Variants in MTREX observed in about 807,000 individuals in gnomAD.
MTREX encodes the protein exosome RNA helicase MTR4.
Under a neutral mutation model 135.4 loss-of-function variants are expected in MTREX, and 76 were observed. The ratio of observed to expected loss-of-function variants is 0.56; its 90% CI spans 0.47 to 0.68. MTREX has a LOEUF of 0.68. MTREX is among the 30% of genes least tolerant of loss of function. The pLI, the probability that MTREX is intolerant of heterozygous loss-of-function variation, is 0.00. For synonymous variants in MTREX, 404 were observed against 401.6 expected (o/e 1.01, Z -0.07); for missense variants, 920 against 1,262.1 (o/e 0.73, Z 4.11).
intron 6 of MTREX, among the ~76,000 whole-genome samples, chr5:55,341,129 A>G (rs1196753218): frequency 1.3e-5 from 2 of 152,156 alleles, no homozygotes; most frequent in African/African-American, 4.8e-5. Flanking sequence ...TTGTCGCCTC[A>G]TGGAAGTTTA....
At chr5:55,334,039 T>G (rs1046176415) in intron 5 of MTREX, among the ~76,000 whole-genome samples, 2 of 152,136 alleles carry the variant, frequency 1.3e-5, no homozygotes, top group African/African-American at 4.8e-5. Context: ...GATACATGCT[T>G]GAAAACATTA....
At chr5:55,343,913 T>C (rs548347740) in intron 8 of MTREX, among the ~76,000 whole-genome samples, 1 of 152,346 alleles carries the variant, frequency 6.6e-6, no homozygotes, top group East Asian at 1.9e-4. Flanking sequence ...AGTCTGACTT[T>C]AGCGTCTGTA....
intron 1 of MTREX, among the ~76,000 whole-genome samples, chr5:55,321,543 G>A (rs1749289685): frequency 6.7e-6 from 1 of 148,768 alleles, no homozygotes; most frequent in South Asian, 2.1e-4. Flanking sequence ...TGATTTTTGT[G>A]TATGATGAGG....
At chr5:55,346,000 C>T (rs1749726542) in intron 10 of MTREX, among the ~76,000 whole-genome samples, 11 of 152,050 alleles carry the variant, frequency 7.2e-5, no homozygotes, top group Admixed American at 7.2e-4. Flanking sequence ...GTACTCATTC[C>T]TTTTCATGGT....
chr5:55,414,783 G>A (rs990411486), intron 24 of MTREX, among the ~76,000 whole-genome samples: 6 of 151,990 alleles, frequency 3.9e-5, no homozygotes, highest in Non-Finnish European at 5.9e-5. Context: ...CTGAGTAGCT[G>A]GGATTACAGG....
chr5:55,381,890 T>G (rs749098485), intron 18 of MTREX, among the ~76,000 whole-genome samples: 3 of 152,206 alleles, frequency 2.0e-5, no homozygotes, highest in Non-Finnish European at 4.4e-5. Flanking sequence ...ATTTTTCCCT[T>G]CATTTCTATC....
chr5:55,375,151 G>A (rs1313204839), intron 16 of MTREX, among the ~76,000 whole-genome samples: 1 of 152,228 alleles, frequency 6.6e-6, no homozygotes, highest in African/African-American at 2.4e-5. Context: ...CGCAGGACCA[G>A]GGCGAAATTA....
chr5:55,364,677 A>G (rs1750070286), intron 15 of MTREX, among the ~76,000 whole-genome samples: 1 of 152,186 alleles, frequency 6.6e-6, no homozygotes, highest in African/African-American at 2.4e-5. Context: ...AGTTGTCATA[A>G]TCTAGGTATG....
At chr5:55,379,787 G>A (rs976193361) in intron 18 of MTREX, among the ~76,000 whole-genome samples, 18 of 152,184 alleles carry the variant, frequency 1.2e-4, no homozygotes, top group Admixed American at 1.0e-3. Flanking sequence ...GGACATTTAC[G>A]TAACCCAAGA....
At chr5:55,338,637 C>G (rs1749591518) in intron 5 of MTREX, among the ~76,000 whole-genome samples, 1 of 150,394 alleles carries the variant, frequency 6.6e-6, no homozygotes. Context: ...ACCTGAGTGT[C>G]TCTTATTTTT....
In MTREX at chr5:55,343,344, A is replaced by G. The variant is rs572379310; in HGVS notation, c.795A>G (p.Val265=). The part of the protein sequence containing the change: ...HYMRDSERGV[V]WEETIILLPD... ...TATTTTTTTCAGAACGTGGTGTAGT[A>G]TGGGAAGAAACTATTATTTTGCTTC... The change falls in exon 8 of 27, where the codon GTA becomes GTG. Residue 265 remains valine (V), a synonymous_variant. Coordinates refer to ENST00000230640, the MANE Select transcript of MTREX (RefSeq NM_015360.5). 170 of 1,611,862 alleles carry G rather than the reference A, an allele frequency of 1.1e-4. 1 individual carries two copies. In the South Asian group the frequency reaches 1.8e-3, roughly 17 times the overall value.
chr5:55,340,459 A>G (rs1411435985), intron 6 of MTREX, among the ~76,000 whole-genome samples: 1 of 152,170 alleles, frequency 6.6e-6, no homozygotes, highest in African/African-American at 2.4e-5. Flanking sequence ...AAAATATTTT[A>G]CTGGTTTTAT....
intron 11 of MTREX, among the ~76,000 whole-genome samples, chr5:55,347,624 A>G (rs75928372): frequency 0.03 from 4,560 of 152,306 alleles, 79 homozygotes; most frequent in Non-Finnish European, 0.046. Context: ...TTATTCCTAT[A>G]CATTAATTGC....
rs1312218304 is a variant in MTREX, at chr5:55,378,364, G to A, written c.1861G>A (p.Glu621Lys). The change falls in exon 17 of 27, where the codon GAA (glutamate) becomes AAA (lysine). Residue 621 changes from glutamate to lysine, a missense_variant. Physicochemically the swap from Glu to Lys is moderately conservative, Grantham distance 56. Transcript: ENST00000230640. ...QYNKIVIPNE[E>K]SVVIYYKIRQ... ...TAATAAAATAGTAATTCCCAATGAA[G>A]AAAGTGTGGTTATCTATTATAAGAT... is the stretch of plus-strand genomic sequence containing the variant. 1 of 1,609,308 alleles carries A rather than the reference G, an allele frequency of 6.2e-7. No individual in the cohort carries two copies. Among genetic ancestry groups the A allele is most frequent in the South Asian group, 1.1e-5 (1 of 89,306 alleles).
At chr5:55,356,103 C>T (rs141595635) in intron 14 of MTREX, among the ~76,000 whole-genome samples, 1 of 152,346 alleles carries the variant, frequency 6.6e-6, no homozygotes, top group African/African-American at 2.4e-5. Flanking sequence ...CCCCCTGTGC[C>T]ACCTCTACTC....
At chr5:55,367,114 G>A (rs1439145877) in intron 16 of MTREX, among the ~76,000 whole-genome samples, 1 of 152,116 alleles carries the variant, frequency 6.6e-6, no homozygotes, top group Non-Finnish European at 1.5e-5. Context: ...TTCTTGTCTT[G>A]TGCATATATG....
intron 25 of MTREX, among the ~76,000 whole-genome samples, chr5:55,419,567 T>G (rs182383603): frequency 5.7e-4 from 87 of 152,346 alleles, no homozygotes; most frequent in South Asian, 3.5e-3. Flanking sequence ...AATGACAGTT[T>G]AAACAAACTA....
intron 25 of MTREX, among the ~76,000 whole-genome samples, chr5:55,418,730 A>C (rs1170637658): frequency 6.6e-6 from 1 of 152,196 alleles, no homozygotes; most frequent in East Asian, 1.9e-4. Flanking sequence ...TAAGTAGCAA[A>C]AAATGAGAAC....
chr5:55,349,622 C>T lies in MTREX; in HGVS notation c.1290C>T (p.Cys430=). Residue 430 remains cysteine (C), a synonymous_variant, in exon 12 of 27, where the codon TGC becomes TGT. Coordinates refer to ENST00000230640, the MANE Select transcript of MTREX (RefSeq NM_015360.5). ...VEEVFSNAID[C]LSDEDKKLPQ... Reference sequence around the variant, plus strand: ...AAGTATTCAGTAATGCAATTGATTGCTTATCCGATGAAGATAAAAAACTCC... The same window carrying T: ...AAGTATTCAGTAATGCAATTGATTGTTTATCCGATGAAGATAAAAAACTCC... 1.2e-6 allele frequency: 2 copies of T among 1,603,616 alleles called. No homozygotes were observed. Among genetic ancestry groups the T allele is most frequent in the East Asian group, 2.2e-5 (1 of 44,742 alleles).
Sources: allele counts gnomAD v4.1 joint callset (sites outside exome capture counted in the v4.1 genomes callset), GRCh38; gene constraint gnomAD v4.1.1; transcripts MANE v1.5; gene names NCBI Gene and HGNC (gene_info 2026-07-23, HGNC 2026-07-21).